Variants in SLC47A1 observed in about 807,000 individuals in gnomAD.
SLC47A1 encodes the protein solute carrier family 47 member 1, also known as multidrug and toxin extrusion protein 1.
SLC47A1 carries 58 observed loss-of-function variants against 65.8 expected under a neutral mutation model. The ratio of observed to expected loss-of-function variants is 0.88; its 90% CI spans 0.71 to 1.10. The LOEUF is 1.10. Ranked by LOEUF, SLC47A1 falls within the 50% of genes least tolerant of loss-of-function variation. SLC47A1 has a pLI of 0.00. For synonymous variants in SLC47A1, 285 were observed against 295.0 expected (o/e 0.97, Z 0.35); for missense variants, 706 against 719.2 (o/e 0.98, Z 0.21).
At chr17:19,554,389 T>C (rs1020015705) in intron 6 of SLC47A1, among the ~76,000 whole-genome samples, 1 of 152,178 alleles carries the variant, frequency 6.6e-6, no homozygotes, top group Non-Finnish European at 1.5e-5. Flanking sequence ...AGGCTACTTT[T>C]TTGTGTTAAC....
chr17:19,547,963 A>G (rs769366531), intron 3 of SLC47A1, 22 bp from the exon 4 acceptor site: 4 of 1,601,064 alleles, frequency 2.5e-6, no homozygotes, highest in Non-Finnish European at 3.4e-6. Flanking sequence ...TAATGGGCTC[A>G]TTTTGGCTGT....
intron 2 of SLC47A1, among the ~76,000 whole-genome samples, chr17:19,545,200 T>A (rs59892102): frequency 0.047 from 6,654 of 141,112 alleles, 322 homozygotes; most frequent in African/African-American, 0.14. Context: ...TAATAAAAAA[T>A]TTTTTTTTTT....
intron 1 of SLC47A1, among the ~76,000 whole-genome samples, chr17:19,537,454 C>G (rs910257956): frequency 1.3e-5 from 2 of 152,148 alleles, no homozygotes; most frequent in Admixed American, 1.3e-4. Flanking sequence ...GGCCTAGGCC[C>G]GAGGAGGGGA....
intron 15 of SLC47A1, among the ~76,000 whole-genome samples, chr17:19,572,117 C>T (rs901497305): frequency 6.6e-6 from 1 of 152,080 alleles, no homozygotes; most frequent in African/African-American, 2.4e-5. Context: ...TCACTGCACT[C>T]CAGCCTGAGT....
chr17:19,567,100 C>CG lies in SLC47A1; in HGVS notation c.1182dup (p.Ser395GlufsTer105). The stretch of plus-strand genomic sequence containing the variant: ...TGGAATGCTCTCTGCCTGCAGTGCA[C>CG]GAGTGGTGGTGTTCTGAGGGGGAGT... On this transcript the variant is annotated frameshift_variant, in exon 14 of 17. Coordinates refer to ENST00000270570, the MANE Select transcript of SLC47A1 (RefSeq NM_018242.3). LOFTEE classifies it high-confidence loss of function. 1.2e-6 allele frequency: 2 copies of CG among 1,614,098 alleles called. No homozygotes were observed. Among genetic ancestry groups the CG allele is most frequent in the Non-Finnish European group, 1.7e-6 (2 of 1,180,000 alleles).
chr17:19,555,821 C>T lies in SLC47A1; in HGVS notation c.765C>T (p.Asp255=), dbSNP rs116464617. ...WGGWSLECLQ[D]WASFLRLAIP... ...GCTGGTCCCTCGAGTGCCTGCAGGA[C>T]TGGGCCTCCTTCCTCCGCCTGGCCA... Residue 255 remains aspartate, a synonymous_variant, in exon 9 of 17, where the codon GAC becomes GAT. Transcript: ENST00000270570. The T allele has an allele frequency of 1.9e-4, 314 of 1,613,730 alleles. 1 individual carries two copies. The African/African-American group carries it at 3.9e-3, about 20-fold the overall frequency.
chr17:19,535,963 TTTATTA>T (rs984123324), intron 1 of SLC47A1, among the ~76,000 whole-genome samples: 16 of 152,054 alleles, frequency 1.1e-4, no homozygotes, highest in African/African-American at 3.9e-4. Flanking sequence ...CTATTATTGT[TTTATTA>T]TTATTATTAT....
chr17:19,551,476 T>A lies in SLC47A1; in HGVS notation c.543+8T>A. 1 of 1,608,904 alleles carries A rather than the reference T, an allele frequency of 6.2e-7. No individual in the cohort carries two copies. Among genetic ancestry groups the A allele is most frequent in the Non-Finnish European group, 8.5e-7 (1 of 1,175,236 alleles). On this transcript the variant is annotated splice_region_variant and intron_variant, in intron 6 of 16. Coordinates refer to ENST00000270570, the MANE Select transcript of SLC47A1 (RefSeq NM_018242.3). ...AAATATTTGCTCAACCAGGTAATAC[T>A]GACTGTTCTCTTCCTTTGGGAGGCT... is the stretch of plus-strand genomic sequence containing the variant.
In SLC47A1 at chr17:19,567,157, C is replaced by T; in HGVS notation, c.1238C>T (p.Thr413Ile). ...GNQKVGAIVN[T>I]IGYYVVGLPI... ...CAGAAGGTTGGAGCCATTGTGAATACCATTGGGTACTATGTGGTTGGCCTC... is the reference window on the plus strand; with the variant it reads ...CAGAAGGTTGGAGCCATTGTGAATATCATTGGGTACTATGTGGTTGGCCTC... The change falls in exon 14 of 17, where the codon ACC (threonine) becomes ATC (isoleucine). Residue 413 changes from threonine (T) to isoleucine (I), a missense_variant. Coordinates refer to ENST00000270570, the MANE Select transcript of SLC47A1 (RefSeq NM_018242.3). The T allele has an allele frequency of 2.5e-6, 4 of 1,614,144 alleles. No homozygotes were observed. The highest frequency in any genetic ancestry group is 3.4e-6 in the Non-Finnish European group (4 of 1,180,038).
chr17:19,577,636 A>G lies in SLC47A1; in HGVS notation c.*83A>G. 1 of 1,575,240 alleles carries G rather than the reference A, an allele frequency of 6.3e-7. No individual in the cohort carries two copies. The highest frequency in any genetic ancestry group is 2.3e-5 in the East Asian group (1 of 44,366). ...GGCCCACCAGTGACAATTTACTGTGAGTTAATGTCATTCAGGTGTGCCCAT... is the reference window on the plus strand; with the variant it reads ...GGCCCACCAGTGACAATTTACTGTGGGTTAATGTCATTCAGGTGTGCCCAT... On this transcript the variant is annotated 3_prime_UTR_variant, in exon 17 of 17. Transcript: ENST00000270570.
intron 2 of SLC47A1, among the ~76,000 whole-genome samples, chr17:19,542,795 G>GT (rs34589573): frequency 0.021 from 2,768 of 133,106 alleles, 91 homozygotes; most frequent in African/African-American, 0.067. Flanking sequence ...TTATTTTGTT[G>GT]TTTTTTTTTT....
chr17:19,537,416 G>A (rs964523251), intron 1 of SLC47A1, among the ~76,000 whole-genome samples: 1 of 152,240 alleles, frequency 6.6e-6, no homozygotes, highest in African/African-American at 2.4e-5. Flanking sequence ...ACCAAATTCT[G>A]CAGGGGAAGC....
At chr17:19,544,484 G>A (rs1037758459) in intron 2 of SLC47A1, among the ~76,000 whole-genome samples, 2 of 152,182 alleles carry the variant, frequency 1.3e-5, no homozygotes, top group Non-Finnish European at 2.9e-5. Flanking sequence ...AGAGTCAAGT[G>A]GAGGTACCAG....
chr17:19,571,723 A>G lies in SLC47A1; in HGVS notation c.1404+151A>G, dbSNP rs2084401523. 4.9e-6 allele frequency: 3 copies of G among 609,814 alleles called. No individual in the cohort carries two copies. The East Asian group carries it at 8.8e-5, about 18-fold the overall frequency. 37.8% of individuals were successfully genotyped at this position (609,814 alleles called of 1,614,324 possible). On this transcript the variant is annotated intron_variant, in intron 15 of 16. Transcript: ENST00000270570. The stretch of plus-strand genomic sequence containing the variant: ...ATTGTTCTTGTTGTTTTAACTAGAC[A>G]GTTCAGATGTGAAGGGCCAGATGAT...
intron 13 of SLC47A1, 52 bp from the exon 14 acceptor site, chr17:19,567,044 G>C: frequency 6.2e-7 from 1 of 1,613,116 alleles, no homozygotes; most frequent in Non-Finnish European, 8.5e-7. Context: ...AGATGGGAGT[G>C]TTTCAAGAGC....
At chr17:19,550,026 T>G (rs1916402970) in intron 5 of SLC47A1, among the ~76,000 whole-genome samples, 1 of 152,256 alleles carries the variant, frequency 6.6e-6, no homozygotes. Context: ...TTTTTTGGTC[T>G]GCTGCGTTTG....
chr17:19,567,965 A>G (rs895465589), intron 14 of SLC47A1: 4 of 152,226 alleles, frequency 2.6e-5, no homozygotes, highest in Non-Finnish European at 4.4e-5. Context: ...AATCCACAGC[A>G]TCTGAAATTA....
intron 4 of SLC47A1, 48 bp from the exon 5 acceptor site, chr17:19,549,587 A>C: frequency 9.2e-6 from 14 of 1,527,290 alleles, no homozygotes; most frequent in East Asian, 2.3e-5. Flanking sequence ...CCCTGGAAAC[A>C]GAGGCCTCCA....
At chr17:19,548,419 C>T (rs1451477128) in intron 4 of SLC47A1, among the ~76,000 whole-genome samples, 3 of 152,024 alleles carry the variant, frequency 2.0e-5, no homozygotes, top group Non-Finnish European at 4.4e-5. Flanking sequence ...TTTAGTTATT[C>T]TTGACCTTCG....
Sources: gnomAD v4.1 joint callset for allele counts (sites outside exome capture counted in the v4.1 genomes callset) on GRCh38, gnomAD v4.1.1 for gene constraint, MANE v1.5 for transcripts, NCBI Gene and HGNC (gene_info 2026-07-23, HGNC 2026-07-21) for gene names.